Variants in RUNDC3B observed in about 807,000 individuals in gnomAD.
RUNDC3B encodes the protein RUN domain containing 3B.
RUNDC3B carries 33 observed loss-of-function variants against 58.4 expected under a neutral mutation model. That is an observed-to-expected ratio of 0.56 (90% CI 0.43 to 0.75). The LOEUF is 0.75. Ranked by LOEUF, RUNDC3B falls within the 30% of genes least tolerant of loss-of-function variation. The pLI is 0.00. For missense variants in RUNDC3B, 501 were observed against 535.7 expected, an observed-to-expected ratio of 0.94 and a Z score of 0.64; for synonymous variants, 193 against 195.2, an observed-to-expected ratio of 0.99 and a Z score of 0.10.
intron 6 of RUNDC3B, among the ~76,000 whole-genome samples, chr7:87,759,793 CAAA>C (rs543619186): frequency 1.6e-5 from 2 of 125,522 alleles, no homozygotes. Flanking sequence ...GATCCTGTAT[CAAA>C]AAAAAAAAAA....
chr7:87,789,076 G>A (rs1218477553), intron 8 of RUNDC3B, among the ~76,000 whole-genome samples: 1 of 152,154 alleles, frequency 6.6e-6, no homozygotes, highest in Non-Finnish European at 1.5e-5. Context: ...GGTACAGACT[G>A]TCAGATAGAT....
intron 2 of RUNDC3B, among the ~76,000 whole-genome samples, chr7:87,692,082 C>T (rs2130649631): frequency 6.6e-6 from 1 of 152,168 alleles, no homozygotes; most frequent in Admixed American, 6.5e-5. Context: ...AGAAAATTTT[C>T]CCATGGTCTT....
At chr7:87,767,256 A>T (rs994048861) in intron 6 of RUNDC3B, among the ~76,000 whole-genome samples, 1 of 152,160 alleles carries the variant, frequency 6.6e-6, no homozygotes, top group Non-Finnish European at 1.5e-5. Flanking sequence ...TTTGGTTAGG[A>T]TCTATTCCTA....
intron 9 of RUNDC3B, among the ~76,000 whole-genome samples, chr7:87,813,951 A>T (rs1265163887): frequency 6.6e-6 from 1 of 151,688 alleles, no homozygotes; most frequent in Non-Finnish European, 1.5e-5. Context: ...ACTGCACTCC[A>T]GCCTGGGCGA....
chr7:87,729,774 G>T (rs1016614126), intron 4 of RUNDC3B, among the ~76,000 whole-genome samples: 4 of 152,298 alleles, frequency 2.6e-5, no homozygotes, highest in Non-Finnish European at 1.5e-5. Flanking sequence ...CATCATCGCT[G>T]CCCCAAACAC....
intron 2 of RUNDC3B, among the ~76,000 whole-genome samples, chr7:87,672,983 G>A (rs145509892): frequency 2.1e-4 from 32 of 152,256 alleles, no homozygotes; most frequent in African/African-American, 7.2e-4. Context: ...GCTGCTTCTG[G>A]TCGGCCATCC....
At chr7:87,750,002 A>G (rs1259886177) in intron 6 of RUNDC3B, among the ~76,000 whole-genome samples, 5 of 151,880 alleles carry the variant, frequency 3.3e-5, no homozygotes, top group Admixed American at 3.3e-4. Flanking sequence ...AGCATTAGGT[A>G]TATCTCCCAA....
intron 3 of RUNDC3B, among the ~76,000 whole-genome samples, chr7:87,702,516 G>T (rs1272033866): frequency 6.6e-6 from 1 of 152,084 alleles, no homozygotes; most frequent in African/African-American, 2.4e-5. Flanking sequence ...CTGGCTTCGA[G>T]CAGTCTTTCT....
At chr7:87,647,874 A>G (rs2130350938) in intron 1 of RUNDC3B, among the ~76,000 whole-genome samples, 1 of 152,210 alleles carries the variant, frequency 6.6e-6, no homozygotes, top group South Asian at 2.1e-4. Context: ...TGCAGAGATG[A>G]AAGTACAGAA....
intron 10 of RUNDC3B, among the ~76,000 whole-genome samples, chr7:87,824,810 A>G (rs144681086): frequency 1.6e-3 from 242 of 152,326 alleles, no homozygotes; most frequent in African/African-American, 5.3e-3. Flanking sequence ...GTTATATTTT[A>G]GCAAAGAGAC....
chr7:87,634,153 AC>A (rs1821501922), intron 1 of RUNDC3B, among the ~76,000 whole-genome samples: 1 of 152,138 alleles, frequency 6.6e-6, no homozygotes, highest in Admixed American at 6.6e-5. Flanking sequence ...GAACTGGCTC[AC>A]TAGTGGGTGA....
At chr7:87,677,180 A>G (rs547393787) in intron 2 of RUNDC3B, among the ~76,000 whole-genome samples, 2 of 152,136 alleles carry the variant, frequency 1.3e-5, no homozygotes, top group Admixed American at 6.6e-5. Context: ...TTGCACTTCT[A>G]TGTTTATTGC....
chr7:87,794,778 A>T (rs1329243893), intron 8 of RUNDC3B, among the ~76,000 whole-genome samples: 1 of 152,210 alleles, frequency 6.6e-6, no homozygotes, highest in Non-Finnish European at 1.5e-5. Flanking sequence ...TATTGACATT[A>T]AAAAAGTGTA....
intron 9 of RUNDC3B, among the ~76,000 whole-genome samples, chr7:87,810,144 G>A (rs921906292): frequency 1.3e-5 from 2 of 152,102 alleles, no homozygotes; most frequent in African/African-American, 4.8e-5. Context: ...GTTAGCCAAA[G>A]ACAATTTAAG....
rs925694050 is a variant in RUNDC3B, at chr7:87,752,031, C to T, written c.629+10452C>T. On this transcript the variant is annotated intron_variant, in intron 6 of 10. Transcript: ENST00000394654. ...TGGGTTTGTCGTAGATAGCTGTTAT[C>T]ATTTTGAAATATGTCCCATCAATAC... Among the ~76,000 whole-genome samples, 65 of 152,224 alleles carry T rather than the reference C, an allele frequency of 4.3e-4. 1 individual carries two copies. The highest frequency in any genetic ancestry group is 1.0e-3 in the Admixed American group (16 of 15,280).
chr7:87,786,196 A>T (rs1835206332), intron 8 of RUNDC3B, among the ~76,000 whole-genome samples: 1 of 152,016 alleles, frequency 6.6e-6, no homozygotes. Context: ...ACGTTCCTAG[A>T]ATTGGACTCT....
intron 2 of RUNDC3B, among the ~76,000 whole-genome samples, chr7:87,653,672 G>A (rs1299733918): frequency 6.6e-6 from 1 of 151,572 alleles, no homozygotes; most frequent in African/African-American, 2.4e-5. Flanking sequence ...TTTCAAATGC[G>A]AGCCTAATAC....
At chr7:87,735,970 T>C (rs567613694) in intron 4 of RUNDC3B, among the ~76,000 whole-genome samples, 3 of 152,302 alleles carry the variant, frequency 2.0e-5, no homozygotes, top group South Asian at 2.1e-4. Flanking sequence ...TTAATAAATA[T>C]TTGTTTATTA....
At chr7:87,630,811 T>A (rs532244935) in intron 1 of RUNDC3B, among the ~76,000 whole-genome samples, 3 of 152,084 alleles carry the variant, frequency 2.0e-5, no homozygotes, top group Non-Finnish European at 4.4e-5. Flanking sequence ...TTGGCTGGCT[T>A]TAGGTCATGT....
Sources: allele counts gnomAD v4.1 joint callset (sites outside exome capture counted in the v4.1 genomes callset), GRCh38; gene constraint gnomAD v4.1.1; transcripts MANE v1.5; gene names NCBI Gene and HGNC (gene_info 2026-07-23, HGNC 2026-07-21).